Variants in SIRPA observed in about 807,000 individuals in gnomAD.
SIRPA encodes tyrosine-protein phosphatase non-receptor type substrate 1.
A neutral mutation model predicts 50.3 loss-of-function variants in SIRPA; 9 were observed. The observed-to-expected ratio is 0.18, with a 90% CI of 0.11 to 0.31. The LOEUF (loss-of-function observed/expected upper bound fraction) is 0.31. Ranked by LOEUF, SIRPA falls within the 10% of genes least tolerant of loss-of-function variation. SIRPA has a pLI of 1.00. For synonymous variants in SIRPA, 265 were observed against 284.1 expected, an observed-to-expected ratio of 0.93 and a Z score of 0.68; for missense variants, 474 against 661.6, an observed-to-expected ratio of 0.72 and a Z score of 3.11.
chr20:1,912,583 A>G (rs1380674717), intron 1 of SIRPA, among the ~76,000 whole-genome samples: 4 of 152,270 alleles, frequency 2.6e-5, no homozygotes, highest in African/African-American at 9.6e-5. Context: ...CAATCCAGAG[A>G]AAATCAAATA....
At chr20:1,897,572 G>A (rs576599925) in intron 1 of SIRPA, among the ~76,000 whole-genome samples, 10 of 152,378 alleles carry the variant, frequency 6.6e-5, no homozygotes, top group Admixed American at 1.3e-4. Context: ...GAAGGTACAA[G>A]GAGGCAGTTG....
rs1295909187 is a variant in SIRPA, at chr20:1,936,342, A to G, written c.1267-978A>G. Among the ~76,000 whole-genome samples, 2 of 152,216 alleles carry G rather than the reference A, an allele frequency of 1.3e-5. No homozygotes were observed. The highest frequency in any genetic ancestry group is 4.8e-5 in the African/African-American group (2 of 41,442). ...AACATTTATTGAAGACAGATGCTCA[A>G]TAGGTACCAGGCTCTGTTCTAAACG... On this transcript the variant is annotated intron_variant, in intron 7 of 7. Coordinates refer to ENST00000358771, the MANE Select transcript of SIRPA (RefSeq NM_001040023.2). This position sits in a 1 kb window ranked among gnomAD's most constrained non-coding sequence, Gnocchi z 4.2.
chr20:1,928,048 G>A lies in SIRPA; in HGVS notation c.1226+149G>A. 1 of 751,086 alleles carries A rather than the reference G, an allele frequency of 1.3e-6. No homozygotes were observed. Among genetic ancestry groups the A allele is most frequent in the South Asian group, 1.5e-5 (1 of 65,384 alleles). The allele number at this position is 751,086 out of a possible 1,614,324, so 46.5% of individuals were successfully genotyped here. A position where few individuals can be genotyped will look rare whatever the true frequency, so the allele number is the denominator to read the frequency against. ...CTCTCCTTTGTAACCTCCTCACACT[G>A]GGTCACGCTGTTTTTAATTATTGTC... On this transcript the variant is annotated intron_variant, in intron 6 of 7. Transcript: ENST00000358771. The surrounding 1 kb of genome is among the most constrained non-coding windows in gnomAD (Gnocchi z 4.9).
chr20:1,903,076 C>T (rs964410477), intron 1 of SIRPA, among the ~76,000 whole-genome samples: 2 of 149,564 alleles, frequency 1.3e-5, no homozygotes, highest in Admixed American at 6.6e-5. Flanking sequence ...CGGGGGATAG[C>T]AAGAGCCCTC....
intron 1 of SIRPA, among the ~76,000 whole-genome samples, chr20:1,901,507 G>A (rs1180900328): frequency 6.6e-6 from 1 of 152,064 alleles, no homozygotes; most frequent in Non-Finnish European, 1.5e-5. Flanking sequence ...TTCCTATGAG[G>A]TGGGGGCAGT....
At chr20:1,925,322 C>T (rs1985916842) in intron 5 of SIRPA, among the ~76,000 whole-genome samples, 1 of 152,224 alleles carries the variant, frequency 6.6e-6, no homozygotes, top group African/African-American at 2.4e-5. Flanking sequence ...ATTGGGAGGA[C>T]TTAACAAGTG....
chr20:1,918,733 C>T (rs574356174), intron 2 of SIRPA, among the ~76,000 whole-genome samples: 2 of 152,124 alleles, frequency 1.3e-5, no homozygotes, highest in East Asian at 3.9e-4. Flanking sequence ...CCTCAGCTTC[C>T]CTGTCTATGA....
At chr20:1,918,938 G>T (rs1052622298) in intron 2 of SIRPA, among the ~76,000 whole-genome samples, 1 of 152,194 alleles carries the variant, frequency 6.6e-6, no homozygotes, top group African/African-American at 2.4e-5. Context: ...CTGGGACAAG[G>T]CACTCCACCA....
Position 1,934,574 on chromosome 20 carries a change from G to A in SIRPA, c.1227-141G>A. ...ACCCCTTTGTCCAAACATTTGATAT[G>A]CAGTTGTATTTCTGTTATGAGTCCT... On this transcript the variant is annotated intron_variant, in intron 6 of 7. Transcript: ENST00000358771. The surrounding 1 kb of genome is among the most constrained non-coding windows in gnomAD (Gnocchi z 4.6). The A allele has an allele frequency of 1.5e-6, 1 of 686,646 alleles. No individual in the cohort carries two copies. Among genetic ancestry groups the A allele is most frequent in the Non-Finnish European group, 2.5e-6 (1 of 402,490 alleles). 42.5% of individuals were successfully genotyped at this position (686,646 alleles called of 1,614,324 possible).
intron 4 of SIRPA, 27 bp downstream of exon 4, chr20:1,922,672 G>C (rs1198958764): frequency 6.3e-7 from 1 of 1,575,970 alleles, no homozygotes; most frequent in Non-Finnish European, 8.6e-7. Context: ...AGCTGACCCA[G>C]CTTTTTTAAA....
chr20:1,926,418 G>A (rs1033443209), intron 5 of SIRPA, among the ~76,000 whole-genome samples: 3 of 152,246 alleles, frequency 2.0e-5, no homozygotes, highest in Non-Finnish European at 4.4e-5. Flanking sequence ...CAGGCAGCAC[G>A]CCAGCTCCTG....
intron 2 of SIRPA, among the ~76,000 whole-genome samples, chr20:1,920,090 G>A (rs6111987): frequency 0.077 from 11,791 of 152,216 alleles, 686 homozygotes; most frequent in African/African-American, 0.16. Context: ...TTGGCCCTGG[G>A]CCTCTCTGAG....
intron 1 of SIRPA, among the ~76,000 whole-genome samples, chr20:1,896,769 C>T (rs1983853653): frequency 6.6e-6 from 1 of 150,490 alleles, no homozygotes; most frequent in African/African-American, 2.4e-5. Context: ...CATAGGCATC[C>T]CCCCACCCCA....
chr20:1,903,493 CT>C (rs1191066617), intron 1 of SIRPA, among the ~76,000 whole-genome samples: 1 of 152,198 alleles, frequency 6.6e-6, no homozygotes, highest in Non-Finnish European at 1.5e-5. Flanking sequence ...CCTTCGGGCT[CT>C]TCACCCATAG....
chr20:1,899,140 T>C (rs2122962562), intron 1 of SIRPA, among the ~76,000 whole-genome samples: 1 of 152,042 alleles, frequency 6.6e-6, no homozygotes, highest in Non-Finnish European at 1.5e-5. Context: ...ATTTCTGGCC[T>C]GTCAACACAA....
rs1366917782 is a variant in SIRPA, at chr20:1,898,413, C to T, written c.79+2887C>T. Reference sequence around the variant, plus strand: ...TACTTGCAGTCATGCAGCACCTATGCAGTGCTGGTGTGAACCATGTGTTGA... The same window carrying T: ...TACTTGCAGTCATGCAGCACCTATGTAGTGCTGGTGTGAACCATGTGTTGA... On this transcript the variant is annotated intron_variant, in intron 1 of 7. Coordinates refer to ENST00000358771, the MANE Select transcript of SIRPA (RefSeq NM_001040023.2). This position sits in a 1 kb window ranked among gnomAD's most constrained non-coding sequence, Gnocchi z 4.3. 6.6e-6 allele frequency among the ~76,000 whole-genome samples: 1 copy of T among 152,130 alleles called. No homozygotes were observed. Among genetic ancestry groups the T allele is most frequent in the African/African-American group, 2.4e-5 (1 of 41,422 alleles).
At chr20:1,899,776 C>A (rs1359362425) in intron 1 of SIRPA, among the ~76,000 whole-genome samples, 2 of 152,130 alleles carry the variant, frequency 1.3e-5, no homozygotes, top group Non-Finnish European at 2.9e-5. Flanking sequence ...CTGACTTGGA[C>A]AATTTGCAGG....
chr20:1,897,118 G>A lies in SIRPA; in HGVS notation c.79+1592G>A, dbSNP rs62192711. Among the ~76,000 whole-genome samples, 829 of 152,306 alleles carry A rather than the reference G, an allele frequency of 5.4e-3. 4 individuals carry two copies. Among genetic ancestry groups the A allele is most frequent in the Middle Eastern group, 0.044 (13 of 294 alleles). ...AGTGACGCTGATTAGCAAGTGCTCC[G>A]ATGGGCAGCCTGCCTTTCCTGGGGC... is the stretch of plus-strand genomic sequence containing the variant. On this transcript the variant is annotated intron_variant, in intron 1 of 7. Coordinates refer to ENST00000358771, the MANE Select transcript of SIRPA (RefSeq NM_001040023.2).
intron 1 of SIRPA, among the ~76,000 whole-genome samples, chr20:1,910,026 A>G (rs1984794760): frequency 1.3e-5 from 2 of 152,178 alleles, no homozygotes; most frequent in African/African-American, 4.8e-5. Flanking sequence ...GAAGCAGGTC[A>G]CAGGAAGGGG....
Sources: allele counts gnomAD v4.1 joint callset (sites outside exome capture counted in the v4.1 genomes callset), GRCh38; gene constraint gnomAD v4.1.1; non-coding constraint Gnocchi (gnomAD v3.1); transcripts MANE v1.5; gene names NCBI Gene and HGNC (gene_info 2026-07-23, HGNC 2026-07-21).